The following KRT74 variants were observed in gnomAD, a reference collection of about 807,000 sequenced individuals.
KRT74 encodes keratin 74, also known as keratin, type II cytoskeletal 74.
Under a neutral mutation model 42.7 loss-of-function variants are expected in KRT74, and 43 were observed. The ratio of observed to expected loss-of-function variants is 1.01; its 90% CI spans 0.79 to 1.30. The LOEUF is 1.30. Ranked by LOEUF, KRT74 falls within the 50% of genes most tolerant of loss-of-function variation. KRT74 has a pLI of 0.00. For synonymous variants in KRT74, 302 were observed against 279.0 expected, an observed-to-expected ratio of 1.08 and a Z score of -0.82; for missense variants, 736 against 689.1, an observed-to-expected ratio of 1.07 and a Z score of -0.76.
At chr12:52,567,554 A>T (rs1939401422) in intron 8 of KRT74, 105 bp downstream of exon 8, 3 of 882,726 alleles carry the variant, frequency 3.4e-6, no homozygotes, top group Non-Finnish European at 5.8e-6. Flanking sequence ...TTCCCAAGAC[A>T]GTAACAGAAG....
rs755296312 is a variant in KRT74, at chr12:52,568,287, G to A, written c.1237C>T (p.Gln413Ter). ...KLDELEGALH[Q>*]AKEELARMLR... Reference sequence around the variant, plus strand: ...ATCCGCGCCAGCTCCTCCTTGGCCTGGTGCAGGGCGCCCTCCAGCTCATCC... The same window carrying A: ...ATCCGCGCCAGCTCCTCCTTGGCCTAGTGCAGGGCGCCCTCCAGCTCATCC... The change falls in exon 7 of 9, where the codon CAG (glutamine) becomes TAG (stop). Residue 413 changes from glutamine (Q) to a stop codon, truncating the protein, a stop_gained. Coordinates refer to ENST00000305620, the MANE Select transcript of KRT74 (RefSeq NM_175053.4). LOFTEE classifies it high-confidence loss of function. The A allele has an allele frequency of 1.2e-6, 2 of 1,614,160 alleles. No individual in the cohort carries two copies. Among genetic ancestry groups the A allele is most frequent in the Non-Finnish European group, 1.7e-6 (2 of 1,180,032 alleles).
rs893259563 is a variant in KRT74, at chr12:52,570,812, G to A, written c.865C>T (p.His289Tyr). The A allele has an allele frequency of 1.1e-5, 18 of 1,614,134 alleles. No individual in the cohort carries two copies. The African/African-American group carries it at 1.7e-4, about 16-fold the overall frequency. The part of the protein sequence containing the change: ...YDAEIAQIQT[H>Y]ASETSVILSM... ...AGGATGACAGAGGTCTCACTGGCGTGAGTCTGGATCTGAGCGATCTCCTGC... is the reference window on the plus strand; with the variant it reads ...AGGATGACAGAGGTCTCACTGGCGTAAGTCTGGATCTGAGCGATCTCCTGC... Residue 289 changes from histidine to tyrosine, a missense_variant, in exon 5 of 9, where the codon CAC (histidine) becomes TAC (tyrosine). Physicochemically the swap from His to Tyr is moderately conservative, Grantham distance 83. Transcript: ENST00000305620.
chr12:52,570,087 G>C, intron 5 of KRT74, 103 bp from the exon 6 acceptor site: 1 of 1,361,276 alleles, frequency 7.3e-7, no homozygotes, highest in Non-Finnish European at 1.0e-6. Context: ...GGGATTTAAC[G>C]GAACTGAAGA....
intron 1 of KRT74, 124 bp from the exon 2 acceptor site, chr12:52,572,791 C>G: frequency 1.2e-6 from 1 of 855,706 alleles, no homozygotes; most frequent in Non-Finnish European, 1.9e-6. Flanking sequence ...TGTCTTGACT[C>G]TCCACCCTTG....
intron 6 of KRT74, 142 bp downstream of exon 6, chr12:52,569,717 G>T: frequency 1.9e-6 from 2 of 1,046,762 alleles, no homozygotes; most frequent in Non-Finnish European, 2.9e-6. Context: ...ACCGAGGCAG[G>T]GTGGGAAAGG....
chr12:52,567,771 T>TA (rs1295072411), intron 7 of KRT74, 78 bp from the exon 8 acceptor site: 1 of 1,025,116 alleles, frequency 9.8e-7, no homozygotes, highest in African/African-American at 1.6e-5. Flanking sequence ...CCTGCTTTTA[T>TA]ACGTGCATCA....
chr12:52,573,786 A>C lies in KRT74; in HGVS notation c.-9T>G. 3 of 1,609,344 alleles carry C rather than the reference A, an allele frequency of 1.9e-6. No homozygotes were observed. Among genetic ancestry groups the C allele is most frequent in the Non-Finnish European group, 2.6e-6 (3 of 1,176,148 alleles). On this transcript the variant is annotated 5_prime_UTR_variant, in exon 1 of 9. Coordinates refer to ENST00000305620, the MANE Select transcript of KRT74 (RefSeq NM_175053.4). ...TTCAGTTGCCGACTCATGGTGGGAA[A>C]GGTTGAGTTGACAGAGCTGGAGAAA...
chr12:52,567,774 G>A (rs1040424934), intron 7 of KRT74, 81 bp from the exon 8 acceptor site: 6 of 1,006,348 alleles, frequency 6.0e-6, no homozygotes, highest in East Asian at 2.4e-5. Context: ...GCTTTTATAC[G>A]TGCATCATTT....
intron 6 of KRT74, 80 bp downstream of exon 6, chr12:52,569,779 G>A: frequency 1.9e-6 from 3 of 1,582,672 alleles, no homozygotes; most frequent in Non-Finnish European, 2.6e-6. Context: ...ATATTTGCTT[G>A]TTCCCAAAGG....
intron 7 of KRT74, 26 bp downstream of exon 7, chr12:52,568,143 C>T (rs1939411518): frequency 3.1e-6 from 5 of 1,613,798 alleles, no homozygotes; most frequent in Non-Finnish European, 3.4e-6. Flanking sequence ...AGTCCCTTCT[C>T]ACACTTTCCC....
chr12:52,568,625 C>T (rs772689758), intron 6 of KRT74: 15 of 586,742 alleles, frequency 2.6e-5, no homozygotes, highest in South Asian at 6.0e-5. Flanking sequence ...GAAGAAATGT[C>T]GATGTTTGCA....
chr12:52,571,733 C>T (rs915729374), intron 3 of KRT74, among the ~76,000 whole-genome samples: 1 of 152,178 alleles, frequency 6.6e-6, no homozygotes, highest in African/African-American at 2.4e-5. Context: ...AGTTCCCAGA[C>T]CAGAATTCTG....
chr12:52,570,585 A>G (rs1939461140), intron 5 of KRT74, 84 bp downstream of exon 5: 4 of 1,464,964 alleles, frequency 2.7e-6, no homozygotes, highest in Admixed American at 3.4e-5. Flanking sequence ...CATGCCCACA[A>G]AAGTATTCCT....
intron 5 of KRT74, among the ~76,000 whole-genome samples, 168 bp from the exon 6 acceptor site, chr12:52,570,152 CCCCAAACATAGTTCCATTACTCAGTTTA>C (rs869308007): frequency 0.071 from 11 of 156 alleles, no homozygotes; most frequent in South Asian, 0.25. Flanking sequence ...TCCCTGACAG[CCCCAAACATAGTTCCATTACTCAGTTTA>C]CCCAAAGCAT....
chr12:52,569,654 A>C (rs973532955), intron 6 of KRT74: 11 of 638,242 alleles, frequency 1.7e-5, no homozygotes, highest in African/African-American at 1.5e-4. Context: ...TCAGAGAAAT[A>C]GGTTTGAGGC....
chr12:52,570,109 A>G, intron 5 of KRT74, 125 bp from the exon 6 acceptor site: 1 of 1,125,950 alleles, frequency 8.9e-7, no homozygotes, highest in Non-Finnish European at 1.3e-6. Flanking sequence ...GAGTGCTGGG[A>G]CAGGGTCCTG....
In KRT74 at chr12:52,566,494, T is replaced by C. The variant is rs1464639953; in HGVS notation, c.*475A>G. ...ATATTGGCGTCATCCTGCAAAGTTGTTTCTGATGGAGCAAGTAAAGGCTGT... is the reference window on the plus strand; with the variant it reads ...ATATTGGCGTCATCCTGCAAAGTTGCTTCTGATGGAGCAAGTAAAGGCTGT... On this transcript the variant is annotated 3_prime_UTR_variant, in exon 9 of 9. Coordinates refer to ENST00000305620, the MANE Select transcript of KRT74 (RefSeq NM_175053.4). 6.4e-6 allele frequency: 1 copy of C among 155,234 alleles called. No homozygotes were observed. Among genetic ancestry groups the C allele is most frequent in the African/African-American group, 2.4e-5 (1 of 41,560 alleles). The allele number at this position is 155,234 out of a possible 1,614,324, so 9.6% of individuals were successfully genotyped here.
chr12:52,571,322 AG>A (rs765287936), intron 4 of KRT74, 36 bp downstream of exon 4: 8 of 1,238,768 alleles, frequency 6.5e-6, no homozygotes, highest in Middle Eastern at 1.9e-4. Flanking sequence ...GTCGGGAAGG[AG>A]GCAGGGTGAG....
At position 52,572,644 on chromosome 12, in the gene KRT74, G is replaced by A; in HGVS notation, c.495C>T (p.Asn165=). 1.9e-6 allele frequency: 3 copies of A among 1,614,112 alleles called. No homozygotes were observed. The highest frequency in any genetic ancestry group is 2.5e-6 in the Non-Finnish European group (3 of 1,180,000). Residue 165 remains asparagine (N), a synonymous_variant, in exon 2 of 9, where the codon AAC becomes AAT. Coordinates refer to ENST00000305620, the MANE Select transcript of KRT74 (RefSeq NM_175053.4). ...GCTCCCACTTGGTTTCTAGAACCTG[G>A]TTCTGCTGCTCTAGGAAGCGTACCT... The part of the protein sequence containing the change: ...IDKVRFLEQQ[N]QVLETKWELL...
Sources: allele counts gnomAD v4.1 joint callset (sites outside exome capture counted in the v4.1 genomes callset), GRCh38; gene constraint gnomAD v4.1.1; transcripts MANE v1.5; gene names NCBI Gene and HGNC (gene_info 2026-07-23, HGNC 2026-07-21).